Variants in C4orf51 observed in about 807,000 individuals in gnomAD.
C4orf51 encodes the protein chromosome 4 open reading frame 51.
Under a neutral mutation model 25.2 loss-of-function variants are expected in C4orf51, and 25 were observed. That is an observed-to-expected ratio of 0.99 (90% CI 0.72 to 1.39). The LOEUF (loss-of-function observed/expected upper bound fraction) is 1.39. Ranked by LOEUF, C4orf51 falls within the 40% of genes most tolerant of loss-of-function variation. The pLI is 0.00. For synonymous variants in C4orf51, 100 were observed against 84.5 expected (o/e 1.18, Z -1.01); for missense variants, 252 against 239.6 (o/e 1.05, Z -0.34).
intron 1 of C4orf51, among the ~76,000 whole-genome samples, chr4:145,685,110 T>C (rs1238596450): frequency 3.3e-5 from 5 of 152,168 alleles, no homozygotes; most frequent in Admixed American, 3.3e-4. Flanking sequence ...TTGACATAGC[T>C]ATAGTATTGA....
chr4:145,779,588 C>A, the C4orf51 span: 1 of 1,547,924 alleles, frequency 6.5e-7, no homozygotes, highest in South Asian at 1.3e-5. Flanking sequence ...TTCAGGATTT[C>A]AGCAGAGCCT....
intron 1 of C4orf51, among the ~76,000 whole-genome samples, chr4:145,693,017 GTT>G (rs36157755): frequency 0.033 from 3,663 of 112,360 alleles, 158 homozygotes; most frequent in African/African-American, 0.1. Context: ...TTTTTCACCT[GTT>G]TTTTTTTTTT....
intron 1 of C4orf51, among the ~76,000 whole-genome samples, chr4:145,685,890 C>T (rs1729125529): frequency 6.6e-6 from 1 of 152,040 alleles, no homozygotes; most frequent in Non-Finnish European, 1.5e-5. Context: ...TAACAGTACA[C>T]TCATATAACC....
intron 2 of C4orf51, among the ~76,000 whole-genome samples, chr4:145,715,818 A>G (rs1731380524): frequency 6.6e-6 from 1 of 152,170 alleles, no homozygotes; most frequent in South Asian, 2.1e-4. Flanking sequence ...CCATGCTGGA[A>G]CAGTTGCTCT....
intron 2 of C4orf51, among the ~76,000 whole-genome samples, chr4:145,699,820 C>T (rs1358376795): frequency 6.6e-6 from 1 of 151,940 alleles, no homozygotes; most frequent in Non-Finnish European, 1.5e-5. Context: ...AGGGCAAGTA[C>T]CCCAACCCCT....
chr4:145,734,685 C>T (rs1732707762), downstream of C4orf51, among the ~76,000 whole-genome samples: 1 of 152,136 alleles, frequency 6.6e-6, no homozygotes, highest in African/African-American at 2.4e-5. Context: ...AAAGTAATAA[C>T]AAGGAAAGAC....
intron 1 of C4orf51, among the ~76,000 whole-genome samples, chr4:145,766,983 T>C (rs543715602): frequency 6.6e-6 from 1 of 152,178 alleles, no homozygotes; most frequent in Non-Finnish European, 1.5e-5. Flanking sequence ...CAAGAGTATG[T>C]ATAGGAATAT....
At chr4:145,739,064 A>G (rs1732960307) in intron 1 of C4orf51, among the ~76,000 whole-genome samples, 1 of 152,186 alleles carries the variant, frequency 6.6e-6, no homozygotes, top group Non-Finnish European at 1.5e-5. Flanking sequence ...TCTTTTACAG[A>G]ATGAGATGGA....
At chr4:145,697,100 ATTT>A (rs34220160) in intron 2 of C4orf51, among the ~76,000 whole-genome samples, 4 of 139,322 alleles carry the variant, frequency 2.9e-5, no homozygotes, top group Admixed American at 7.1e-5. Flanking sequence ...TCTCTTAGCA[ATTT>A]TTTTTTTTTT....
chr4:145,686,426 A>G lies in C4orf51; in HGVS notation c.233+5990A>G, dbSNP rs149032155. Among the ~76,000 whole-genome samples the G allele has an allele frequency of 9.8e-5, 15 of 152,336 alleles. No individual in the cohort carries two copies. In the East Asian group the frequency reaches 2.9e-3, roughly 29 times the overall value. ...AATTTTCTCTTGTGTGTATTTTACA[A>G]TAATCATAATAATAATGAAAACTTG... On this transcript the variant is annotated intron_variant, in intron 1 of 5. Transcript: ENST00000438731.
chr4:145,747,690 CTTCCTTCCTTCCTTCT>C (rs1310083538), intron 1 of C4orf51, among the ~76,000 whole-genome samples: 4 of 129,770 alleles, frequency 3.1e-5, no homozygotes, highest in African/African-American at 5.6e-5. Context: ...CCCTCCCTCC[CTTCCTTCCTTCCTTCT>C]TTCCTTCCTT....
intron 1 of C4orf51, among the ~76,000 whole-genome samples, chr4:145,690,508 T>TAAG (rs748425134): frequency 6.6e-6 from 1 of 151,018 alleles, no homozygotes; most frequent in Non-Finnish European, 1.5e-5. Context: ...CATCTCAAAA[T>TAAG]AATAATAATA....
intron 1 of C4orf51, among the ~76,000 whole-genome samples, chr4:145,681,469 C>A (rs1268237761): frequency 6.6e-6 from 1 of 152,180 alleles, no homozygotes; most frequent in Non-Finnish European, 1.5e-5. Context: ...AAATAACTCT[C>A]AAGTATATTG....
the C4orf51 span, among the ~76,000 whole-genome samples, chr4:145,781,009 A>C: frequency 3.3e-5 from 5 of 152,108 alleles, no homozygotes; most frequent in East Asian, 9.7e-4. Context: ...ATCCTGGCTA[A>C]CACGGTGAAA....
chr4:145,684,429 C>A (rs922268053), intron 1 of C4orf51, among the ~76,000 whole-genome samples: 1 of 152,066 alleles, frequency 6.6e-6, no homozygotes, highest in African/African-American at 2.4e-5. Flanking sequence ...TTGCAGTGAG[C>A]CAAGATCATG....
At chr4:145,712,241 A>G (rs1279746552) in intron 2 of C4orf51, among the ~76,000 whole-genome samples, 2 of 152,198 alleles carry the variant, frequency 1.3e-5, no homozygotes, top group South Asian at 2.1e-4. Flanking sequence ...GAAGAATCAC[A>G]TATTTCTTAC....
intron 1 of C4orf51, among the ~76,000 whole-genome samples, chr4:145,740,075 C>T (rs1034044679): frequency 1.1e-4 from 16 of 152,072 alleles, no homozygotes; most frequent in Admixed American, 7.2e-4. Flanking sequence ...AGGTGAAAAC[C>T]GTTCACGTGG....
chr4:145,721,406 T>A (rs552464082), intron 2 of C4orf51, among the ~76,000 whole-genome samples: 1 of 150,728 alleles, frequency 6.6e-6, no homozygotes, highest in Admixed American at 6.6e-5. Context: ...TGATAAACAC[T>A]TTGCCTGGAA....
At chr4:145,687,590 C>A (rs1729250969) in intron 1 of C4orf51, among the ~76,000 whole-genome samples, 1 of 152,150 alleles carries the variant, frequency 6.6e-6, no homozygotes, top group Non-Finnish European at 1.5e-5. Context: ...GGAACACAAA[C>A]CCAGAAAAGA....
Sources: gnomAD v4.1 joint callset for allele counts (sites outside exome capture counted in the v4.1 genomes callset) on GRCh38, gnomAD v4.1.1 for gene constraint, MANE v1.5 for transcripts, NCBI Gene and HGNC (gene_info 2026-07-23, HGNC 2026-07-21) for gene names.